Variants in RAF1 observed in about 807,000 individuals in gnomAD.
RAF1 encodes RAF proto-oncogene serine/threonine-protein kinase.
In RAF1, 27 loss-of-function variants were observed where a neutral mutation model predicts 81.1. The observed-to-expected ratio is 0.33, with a 90% confidence interval of 0.25 to 0.46. The LOEUF (loss-of-function observed/expected upper bound fraction) is 0.46, where lower values mean the gene tolerates loss of function less well. RAF1 is among the 20% of genes least tolerant of loss of function. RAF1 has a pLI of 1.00. For synonymous variants in RAF1, 298 were observed against 294.0 expected (o/e 1.01, Z -0.14); for missense variants, 598 against 826.0 (o/e 0.72, Z 3.38).
chr3:12,629,015 A>C (rs575002109), intron 1 of RAF1, among the ~76,000 whole-genome samples: 1 of 152,216 alleles, frequency 6.6e-6, no homozygotes, highest in Non-Finnish European at 1.5e-5. Flanking sequence ...TTCAGCTGGG[A>C]TTATAGGCAT....
At chr3:12,597,701 G>A (rs958460601) in intron 11 of RAF1, among the ~76,000 whole-genome samples, 2 of 152,036 alleles carry the variant, frequency 1.3e-5, no homozygotes, top group African/African-American at 4.8e-5. Flanking sequence ...GATCGCTTGA[G>A]CTCATGATTT....
At chr3:12,648,758 G>GT (rs1235695499) in intron 1 of RAF1, among the ~76,000 whole-genome samples, 1 of 151,548 alleles carries the variant, frequency 6.6e-6, no homozygotes, top group African/African-American at 2.4e-5. Context: ...AAAAAAAAAA[G>GT]TAACCATCTG....
chr3:12,616,063 T>TATAATAATA (rs920482151), intron 2 of RAF1, among the ~76,000 whole-genome samples: 1 of 151,336 alleles, frequency 6.6e-6, no homozygotes, highest in African/African-American at 2.4e-5. Flanking sequence ...AAAAAATACA[T>TATAATAATA]ATAATAATAA....
Position 12,599,941 on chromosome 3 carries a change from A to C in RAF1, c.1051-133T>G, listed in dbSNP as rs573439041. The C allele has an allele frequency of 2.1e-5, 26 of 1,213,368 alleles. 1 individual carries two copies. In the South Asian group the frequency reaches 2.8e-4, roughly 13 times the overall value. 75.2% of individuals were successfully genotyped at this position (1,213,368 alleles called of 1,614,324 possible). ...GATAAACATATTAACCATACTTCCA[A>C]TTTTTGTCTTTTGAGAAATACCATT... On this transcript the variant is annotated intron_variant, in intron 10 of 17. Transcript: ENST00000442415.
At chr3:12,640,564 T>C (rs966848466) in intron 1 of RAF1, among the ~76,000 whole-genome samples, 1 of 152,174 alleles carries the variant, frequency 6.6e-6, no homozygotes, top group African/African-American at 2.4e-5. Context: ...GCAAAGGATA[T>C]GAACAGACAC....
intron 1 of RAF1, among the ~76,000 whole-genome samples, chr3:12,622,117 TC>T (rs1267721374): frequency 1.8e-4 from 27 of 152,304 alleles, no homozygotes; most frequent in South Asian, 6.2e-4. Flanking sequence ...CATAACTCTA[TC>T]CCCAGGTTAC....
chr3:12,638,012 T>C (rs2060080549), intron 1 of RAF1, among the ~76,000 whole-genome samples: 1 of 152,174 alleles, frequency 6.6e-6, no homozygotes, highest in Non-Finnish European at 1.5e-5. Flanking sequence ...CTGACCACCC[T>C]GGTTCAAGTG....
At position 12,605,641 on chromosome 3, in the gene RAF1, A is replaced by C. The variant is rs181407743; in HGVS notation, c.680+560T>G. On this transcript the variant is annotated intron_variant, in intron 6 of 17. Transcript: ENST00000442415. ...TTCAAATTCATGTGTGTTAACACTG[A>C]GCAGTAGATAAACGCAACAAAACTG... 9.0e-4 allele frequency among the ~76,000 whole-genome samples: 137 copies of C among 152,326 alleles called. 1 individual carries two copies. The highest frequency in any genetic ancestry group is 9.9e-4 in the Non-Finnish European group (67 of 68,016).
Position 12,655,896 on chromosome 3 carries a change from AGG to A in RAF1, c.-27+7915_-27+7916del, listed in dbSNP as rs2060674954. On this transcript the variant is annotated intron_variant, in intron 1 of 17. Transcript: ENST00000442415. ...CAAATTCATAGAGAGAAAGTAGAAT[AGG>A]GGTTACGAGGAACTGGGCATAGGGA... Among the ~76,000 whole-genome samples, 3 of 152,078 alleles carry A rather than the reference AGG, an allele frequency of 2.0e-5. No individual in the cohort carries two copies. In the South Asian group the frequency reaches 6.2e-4, roughly 32 times the overall value.
In RAF1 at chr3:12,584,816, TTAATCACATTC is replaced by T. The variant is rs765681607; in HGVS notation, c.1863+20_1863+30del. 6.2e-7 allele frequency: 1 copy of T among 1,613,932 alleles called. No homozygotes were observed. The highest frequency in any genetic ancestry group is 8.5e-7 in the Non-Finnish European group (1 of 1,179,890). ...CCATCTTTACGAACCAACCCATGCT[TTAATCACATTC>T]TAGCAGCCCTGAGCCTTACCTGGGG... On this transcript the variant is annotated intron_variant, in intron 17 of 17. Coordinates refer to ENST00000442415, the MANE Select transcript of RAF1 (RefSeq NM_001354689.3).
At chr3:12,634,068 A>C (rs2059945788) in intron 1 of RAF1, among the ~76,000 whole-genome samples, 1 of 152,086 alleles carries the variant, frequency 6.6e-6, no homozygotes, top group South Asian at 2.1e-4. Context: ...ATAATCAGCA[A>C]AACTATCAGT....
chr3:12,622,856 G>A (rs1473897930), intron 1 of RAF1, among the ~76,000 whole-genome samples: 1 of 152,076 alleles, frequency 6.6e-6, no homozygotes, highest in Non-Finnish European at 1.5e-5. Flanking sequence ...CCATTTAGTG[G>A]TACATCTTTA....
At chr3:12,653,718 G>A (rs1470813543) in intron 1 of RAF1, among the ~76,000 whole-genome samples, 2 of 151,482 alleles carry the variant, frequency 1.3e-5, no homozygotes, top group Non-Finnish European at 2.9e-5. Context: ...CAGCCTGGGC[G>A]ACAGAGCAAG....
At chr3:12,645,080 A>AGAGC (rs2060302273) in intron 1 of RAF1, among the ~76,000 whole-genome samples, 1 of 144,828 alleles carries the variant, frequency 6.9e-6, no homozygotes, top group Admixed American at 7.0e-5. Context: ...GCCTGGTGAC[A>AGAGC]GAGCGAGACT....
chr3:12,589,243 AGTG>A (rs1452210181), intron 13 of RAF1: 3 of 152,198 alleles, frequency 2.0e-5, no homozygotes, highest in African/African-American at 4.8e-5. Flanking sequence ...AAAATTAGAT[AGTG>A]GTGGTGGCTG....
At chr3:12,624,885 C>CA (rs11298876) in intron 1 of RAF1, among the ~76,000 whole-genome samples, 14,989 of 110,722 alleles carry the variant, frequency 0.14, 1,100 homozygotes, top group African/African-American at 0.16. Context: ...GACTCCAACT[C>CA]AAAAAAAAAA....
At chr3:12,627,643 T>C (rs1351982456) in intron 1 of RAF1, among the ~76,000 whole-genome samples, 3 of 152,206 alleles carry the variant, frequency 2.0e-5, no homozygotes, top group East Asian at 1.9e-4. Context: ...GTAGGTTCCC[T>C]AGGTTCACCA....
Position 12,628,749 on chromosome 3 carries a change from T to C in RAF1, c.-26-10002A>G, listed in dbSNP as rs566843177. 4.3e-3 allele frequency among the ~76,000 whole-genome samples: 239 copies of C among 55,600 alleles called. 1 individual carries two copies. The highest frequency in any genetic ancestry group is 0.012 in the African/African-American group (210 of 17,682). 36.5% of individuals were successfully genotyped at this position (55,600 alleles called of 152,430 possible). ...TAAGTATGATGAACCTGAGACTATTTTTGGGGGGGGGGGGTGGCGGGGCAC... is the reference window on the plus strand; with the variant it reads ...TAAGTATGATGAACCTGAGACTATTCTTGGGGGGGGGGGGTGGCGGGGCAC... On this transcript the variant is annotated intron_variant, in intron 1 of 17. Transcript: ENST00000442415.
chr3:12,645,815 C>A, intron 1 of RAF1, among the ~76,000 whole-genome samples: 1 of 152,064 alleles, frequency 6.6e-6, no homozygotes, highest in Non-Finnish European at 1.5e-5. Flanking sequence ...CCTCAAGCAG[C>A]GTCTCAGCTC....
Sources: gnomAD v4.1 joint callset for allele counts (sites outside exome capture counted in the v4.1 genomes callset) on GRCh38, gnomAD v4.1.1 for gene constraint, MANE v1.5 for transcripts, NCBI Gene and HGNC (gene_info 2026-07-23, HGNC 2026-07-21) for gene names.